MCM9: variants seen among roughly 807,000 people sequenced by gnomAD.
The protein encoded by MCM9 is DNA helicase MCM9.
In MCM9, 55 loss-of-function variants were observed where a neutral mutation model predicts 72.8. The ratio of observed to expected loss-of-function variants is 0.76; its 90% confidence interval spans 0.61 to 0.95. MCM9 has a LOEUF of 0.95. Among genes scored for constraint, MCM9 ranks in the 40% least tolerant of loss-of-function variants. The probability of loss-of-function intolerance (pLI) is 0.00; values close to 1 mark genes in which losing one functional copy is unlikely to be tolerated. For missense variants in MCM9, 1,279 were observed against 1,377.0 expected, an observed-to-expected ratio of 0.93 and a Z score of 1.13; for synonymous variants, 480 against 503.4, an observed-to-expected ratio of 0.95 and a Z score of 0.62.
chr6:118,898,966 C>T (rs1460456584), intron 8 of MCM9, among the ~76,000 whole-genome samples: 2 of 152,156 alleles, frequency 1.3e-5, no homozygotes, highest in African/African-American at 4.8e-5. Context: ...TTCAGTATCT[C>T]TGCTTAGAAG....
intron 9 of MCM9, among the ~76,000 whole-genome samples, chr6:118,849,168 A>T (rs537745318): frequency 6.6e-6 from 1 of 152,008 alleles, no homozygotes; most frequent in Non-Finnish European, 1.5e-5. Flanking sequence ...ACAAATATAA[A>T]TATTATGAAA....
At chr6:118,820,872 T>C (rs1012656992) in intron 13 of MCM9, among the ~76,000 whole-genome samples, 1 of 152,260 alleles carries the variant, frequency 6.6e-6, no homozygotes, top group Non-Finnish European at 1.5e-5. Flanking sequence ...TTTACCATTA[T>C]GTAGTACCCT....
chr6:118,827,108 C>CA (rs1335696768), intron 11 of MCM9, among the ~76,000 whole-genome samples: 3 of 151,888 alleles, frequency 2.0e-5, no homozygotes, highest in African/African-American at 4.8e-5. Context: ...TGGGCTCTAG[C>CA]AAAAAAACGG....
At chr6:118,840,741 CCT>C (rs1491496828) in intron 9 of MCM9, among the ~76,000 whole-genome samples, 7,692 of 108,768 alleles carry the variant, frequency 0.071, 262 homozygotes, top group East Asian at 0.2. Context: ...CTCCCCCCCC[CCT>C]TTTTTTTTTT....
intron 8 of MCM9, among the ~76,000 whole-genome samples, chr6:118,892,035 T>G (rs1035471782): frequency 6.6e-6 from 1 of 152,230 alleles, no homozygotes; most frequent in Non-Finnish European, 1.5e-5. Context: ...AGAGAGAGGC[T>G]TTCACAATTC....
chr6:118,861,445 G>A (rs148202789), intron 8 of MCM9, among the ~76,000 whole-genome samples: 1 of 152,202 alleles, frequency 6.6e-6, no homozygotes. Context: ...TCATTCAACA[G>A]GTCCTGCATT....
chr6:118,904,606 A>G (rs1258842648), intron 8 of MCM9, among the ~76,000 whole-genome samples: 3 of 152,190 alleles, frequency 2.0e-5, no homozygotes, highest in Non-Finnish European at 2.9e-5. Context: ...CTCTTAGTCT[A>G]GTCTAACTCA....
intron 9 of MCM9, among the ~76,000 whole-genome samples, chr6:118,831,340 C>CAAAAA (rs869238859): frequency 2.8e-5 from 2 of 71,418 alleles, no homozygotes; most frequent in Non-Finnish European, 5.6e-5. Flanking sequence ...GAGACCATCT[C>CAAAAA]AAAAAAAAAA....
chr6:118,827,850 G>T, intron 11 of MCM9, 77 bp downstream of exon 11: 2 of 1,366,390 alleles, frequency 1.5e-6, no homozygotes, highest in South Asian at 1.3e-5. Flanking sequence ...ATTCAACTTT[G>T]AATCCATGGT....
chr6:118,911,594 C>T, intron 8 of MCM9, 56 bp downstream of exon 8: 1 of 1,531,924 alleles, frequency 6.5e-7, no homozygotes, highest in Middle Eastern at 1.7e-4. Flanking sequence ...TAGAAAAAAC[C>T]ATTGTGTTAA....
chr6:118,815,324 G>C lies in MCM9; in HGVS notation c.2932C>G (p.Pro978Ala). ...GGCTGACTGGAGATCTGGTTTCCTG[G>C]GGTAGATGTTAACTTTCCTGGACGC... ...VKRPGKLTST[P>A]GNQISSQPQG... Residue 978 changes from proline (P) to alanine (A), a missense_variant, in exon 14 of 14, where the codon CCA becomes GCA. Pro to Ala is a conservative substitution (Grantham distance 27). Transcript: ENST00000619706. 6.4e-7 allele frequency: 1 copy of C among 1,550,466 alleles called. No homozygotes were observed. Among genetic ancestry groups the C allele is most frequent in the East Asian group, 2.4e-5 (1 of 40,888 alleles).
intron 10 of MCM9, among the ~76,000 whole-genome samples, chr6:118,828,452 C>A (rs1012037060): frequency 6.6e-6 from 1 of 151,834 alleles, no homozygotes; most frequent in Non-Finnish European, 1.5e-5. Context: ...GTAGCACGAT[C>A]TCTGTTCACT....
intron 8 of MCM9, among the ~76,000 whole-genome samples, chr6:118,865,260 T>C (rs1402078160): frequency 1.3e-5 from 2 of 152,130 alleles, no homozygotes; most frequent in Non-Finnish European, 2.9e-5. Flanking sequence ...AGGGACGTCA[T>C]ACCATAGGGG....
At chr6:118,846,250 C>G (rs1483986024) in intron 9 of MCM9, among the ~76,000 whole-genome samples, 2 of 151,778 alleles carry the variant, frequency 1.3e-5, no homozygotes, top group African/African-American at 4.9e-5. Flanking sequence ...CAAAACTCAT[C>G]AAACTAAAAA....
chr6:118,913,150 A>G (rs369520941), intron 7 of MCM9, 145 bp downstream of exon 7: 1 of 869,192 alleles, frequency 1.2e-6, no homozygotes, highest in African/African-American at 1.7e-5. Flanking sequence ...TGCTAGACTA[A>G]GTATAAGATA....
chr6:118,845,877 A>G lies in MCM9; in HGVS notation c.1325+10494T>C, dbSNP rs181506237. On this transcript the variant is annotated intron_variant, in intron 9 of 13. Coordinates refer to ENST00000619706, the MANE Select transcript of MCM9 (RefSeq NM_017696.3). Reference sequence around the variant, plus strand: ...GATCTTTAGGCAGCGCTAACCATTAATAAGTCTTCCTTGTACTAATTTTAA... The same window carrying G: ...GATCTTTAGGCAGCGCTAACCATTAGTAAGTCTTCCTTGTACTAATTTTAA... Among the ~76,000 whole-genome samples the G allele has an allele frequency of 4.7e-3, 721 of 151,952 alleles. 26 individuals are homozygous for G. Among genetic ancestry groups the G allele is most frequent in the African/African-American group, 0.017 (697 of 41,228 alleles).
intron 8 of MCM9, chr6:118,894,088 G>A (rs1779167551): frequency 2.3e-5 from 26 of 1,122,718 alleles, no homozygotes; most frequent in Non-Finnish European, 2.7e-5. Context: ...AAGTTTCCGA[G>A]TCCATTCCGG....
chr6:118,822,210 T>G (rs982713841), intron 13 of MCM9, among the ~76,000 whole-genome samples: 1 of 152,242 alleles, frequency 6.6e-6, no homozygotes, highest in Non-Finnish European at 1.5e-5. Flanking sequence ...TTCTGGTTTT[T>G]GGAATTTTCA....
chr6:118,866,378 G>C (rs924462746), intron 8 of MCM9, among the ~76,000 whole-genome samples: 2 of 152,182 alleles, frequency 1.3e-5, no homozygotes, highest in African/African-American at 4.8e-5. Context: ...TAACTGAAGT[G>C]AAGTGGAGAT....
Sources: gnomAD v4.1 joint callset for allele counts (sites outside exome capture counted in the v4.1 genomes callset) on GRCh38, gnomAD v4.1.1 for gene constraint, MANE v1.5 for transcripts, NCBI Gene and HGNC (gene_info 2026-07-23, HGNC 2026-07-21) for gene names.